LAMA2: variants seen among roughly 807,000 people sequenced by gnomAD.
LAMA2 encodes the protein laminin subunit alpha-2.
Under a neutral mutation model 364.8 loss-of-function variants are expected in LAMA2, and 269 were observed. That is an observed-to-expected ratio of 0.74 (90% CI 0.67 to 0.82). LAMA2 has a LOEUF of 0.82. LAMA2 is among the 40% of genes least tolerant of loss of function. LAMA2 has a pLI of 0.00. For missense variants in LAMA2, 3,807 were observed against 3,873.2 expected, an observed-to-expected ratio of 0.98 and a Z score of 0.45; for synonymous variants, 1,379 against 1,370.6, an observed-to-expected ratio of 1.01 and a Z score of -0.14.
intron 40 of LAMA2, among the ~76,000 whole-genome samples, chr6:129,414,709 T>C (rs2114717671): frequency 6.6e-6 from 1 of 152,272 alleles, no homozygotes; most frequent in South Asian, 2.1e-4. Flanking sequence ...GTTCTAAATT[T>C]CTTTCTTTTT....
intron 35 of LAMA2, among the ~76,000 whole-genome samples, chr6:129,387,872 G>A (rs997620463): frequency 2.4e-4 from 36 of 152,160 alleles, no homozygotes; most frequent in African/African-American, 8.7e-4. Context: ...TGGACAAGGA[G>A]GGGAACAACA....
intron 1 of LAMA2, among the ~76,000 whole-genome samples, chr6:128,978,462 C>T (rs1036995525): frequency 5.9e-5 from 9 of 151,534 alleles, no homozygotes; most frequent in South Asian, 2.1e-4. Context: ...GGATTACAGG[C>T]GCCTGCCACC....
chr6:129,329,558 C>G (rs978156112), intron 29 of LAMA2, among the ~76,000 whole-genome samples: 2 of 152,110 alleles, frequency 1.3e-5, no homozygotes, highest in African/African-American at 4.8e-5. Flanking sequence ...GACGGGGTTT[C>G]ACCATGTTGT....
intron 4 of LAMA2, among the ~76,000 whole-genome samples, chr6:129,102,667 C>T (rs1424735382): frequency 6.6e-6 from 1 of 151,872 alleles, no homozygotes; most frequent in Non-Finnish European, 1.5e-5. Flanking sequence ...TTTATGCTGT[C>T]TTACATTCTT....
intron 1 of LAMA2, among the ~76,000 whole-genome samples, chr6:129,024,915 T>C (rs1785700013): frequency 6.6e-6 from 1 of 152,000 alleles, no homozygotes; most frequent in South Asian, 2.1e-4. Context: ...TGCCTATGAA[T>C]AGCCACTGCA....
chr6:129,083,611 C>T (rs1774195477), intron 3 of LAMA2, among the ~76,000 whole-genome samples: 1 of 152,100 alleles, frequency 6.6e-6, no homozygotes, highest in African/African-American at 2.4e-5. Context: ...GGAGTGAAGA[C>T]CCAAGCTGAC....
intron 1 of LAMA2, among the ~76,000 whole-genome samples, chr6:128,911,333 C>G (rs922706048): frequency 2.6e-5 from 4 of 152,212 alleles, no homozygotes; most frequent in African/African-American, 9.6e-5. Context: ...AGGATATAAT[C>G]TCGTGGTTCG....
rs753444959 is a variant in LAMA2, at chr6:128,995,479, G to A, written c.113-54439G>A. 3.3e-5 allele frequency among the ~76,000 whole-genome samples: 5 copies of A among 152,180 alleles called. 1 individual carries two copies. The highest frequency in any genetic ancestry group is 4.1e-4 in the South Asian group (2 of 4,820). On this transcript the variant is annotated intron_variant, in intron 1 of 64. Coordinates refer to ENST00000421865, the MANE Select transcript of LAMA2 (RefSeq NM_000426.4). ...TGGGATTACAGGTGCCTGCCACCAC[G>A]CCTGGATAACTTTTTTGTATTTTTA...
intron 4 of LAMA2, among the ~76,000 whole-genome samples, chr6:129,105,672 A>G (rs927134178): frequency 8.5e-5 from 13 of 152,264 alleles, no homozygotes; most frequent in Admixed American, 8.5e-4. Flanking sequence ...CTGTCAACAA[A>G]TGTGATAGGT....
intron 41 of LAMA2, chr6:129,437,042 A>T (rs1781867030): frequency 6.6e-6 from 1 of 152,124 alleles, no homozygotes; most frequent in Non-Finnish European, 1.5e-5. Context: ...AATGAGAGGA[A>T]GACAAAGGAA....
chr6:129,187,434 T>C lies in LAMA2; in HGVS notation c.1468-2771T>C, dbSNP rs1383914352. Among the ~76,000 whole-genome samples the C allele has an allele frequency of 4.6e-5, 7 of 151,838 alleles. No individual in the cohort carries two copies. The South Asian group carries it at 1.2e-3, about 27-fold the overall frequency. ...AATGTAGTAAAGAAAGATTTCTTTA[T>C]GCCAATGTCTCACATTTTATAGACA... On this transcript the variant is annotated intron_variant, in intron 10 of 64. Transcript: ENST00000421865.
At chr6:129,134,481 G>A (rs550688009) in intron 4 of LAMA2, among the ~76,000 whole-genome samples, 1 of 152,284 alleles carries the variant, frequency 6.6e-6, no homozygotes, top group East Asian at 1.9e-4. Context: ...TAATGCTTTA[G>A]CCCAGCAGTC....
intron 53 of LAMA2, among the ~76,000 whole-genome samples, chr6:129,475,755 G>A (rs918242077): frequency 1.3e-5 from 2 of 152,008 alleles, no homozygotes; most frequent in Admixed American, 6.6e-5. Flanking sequence ...TGGGAAACAC[G>A]GTAAAGTGGT....
At chr6:129,227,026 G>A (rs144855722) in intron 12 of LAMA2, among the ~76,000 whole-genome samples, 6,987 of 152,072 alleles carry the variant, frequency 0.046, 522 homozygotes, top group African/African-American at 0.16. Flanking sequence ...GGCTTTGTTC[G>A]TTTCCTTTTA....
chr6:129,066,039 T>TA (rs1554210041), intron 3 of LAMA2, among the ~76,000 whole-genome samples: 11,986 of 74,462 alleles, frequency 0.16, 3,128 homozygotes, highest in Middle Eastern at 0.2. Flanking sequence ...CAGTCTCAGG[T>TA]TTTTTTTTTT....
At chr6:129,103,801 T>A (rs1305550089) in intron 4 of LAMA2, among the ~76,000 whole-genome samples, 1 of 152,118 alleles carries the variant, frequency 6.6e-6, no homozygotes, top group African/African-American at 2.4e-5. Flanking sequence ...ATTTTTAAAA[T>A]GTTTTTAATT....
intron 1 of LAMA2, among the ~76,000 whole-genome samples, chr6:128,941,598 TA>T (rs1193552424): frequency 6.6e-6 from 1 of 152,132 alleles, no homozygotes; most frequent in Non-Finnish European, 1.5e-5. Flanking sequence ...AAAATATTTT[TA>T]AAATACAATT....
chr6:129,390,162 T>A (rs1779242493), intron 35 of LAMA2, among the ~76,000 whole-genome samples: 2 of 152,172 alleles, frequency 1.3e-5, no homozygotes, highest in Non-Finnish European at 2.9e-5. Flanking sequence ...TATCCCAGTG[T>A]TTCTCAAGCT....
At chr6:128,977,478 C>T (rs567556696) in intron 1 of LAMA2, among the ~76,000 whole-genome samples, 2 of 152,134 alleles carry the variant, frequency 1.3e-5, no homozygotes, top group Non-Finnish European at 2.9e-5. Context: ...GCCCAGGCTG[C>T]TCTCAAACTC....
Sources: gnomAD v4.1 joint callset for allele counts (sites outside exome capture counted in the v4.1 genomes callset) on GRCh38, gnomAD v4.1.1 for gene constraint, MANE v1.5 for transcripts, NCBI Gene and HGNC (gene_info 2026-07-23, HGNC 2026-07-21) for gene names.